The following HPSE2 variants were observed in gnomAD, a reference collection of about 807,000 sequenced individuals.
HPSE2 encodes the protein heparanase 2 (inactive), also known as inactive heparanase-2.
In HPSE2, 38 loss-of-function variants were observed where a neutral mutation model predicts 60.5. The observed-to-expected ratio is 0.63, with a 90% CI of 0.48 to 0.82. The LOEUF (loss-of-function observed/expected upper bound fraction) is 0.82, where lower values mean the gene tolerates loss of function less well. HPSE2 is among the 40% of genes least tolerant of loss of function. The probability of loss-of-function intolerance (pLI) is 0.00; values close to 1 mark genes in which losing one functional copy is unlikely to be tolerated. For missense variants in HPSE2, 713 were observed against 740.4 expected (o/e 0.96, Z 0.43); for synonymous variants, 295 against 293.2 (o/e 1.01, Z -0.06).
At chr10:99,251,946 G>C in the HPSE2 span, among the ~76,000 whole-genome samples, 1 of 151,548 alleles carries the variant, frequency 6.6e-6, no homozygotes, top group Non-Finnish European at 1.5e-5. Flanking sequence ...GGCTGAGGTA[G>C]GAGAACTGCT....
the HPSE2 span, among the ~76,000 whole-genome samples, chr10:99,279,211 T>G: frequency 6.6e-6 from 1 of 152,180 alleles, no homozygotes; most frequent in Non-Finnish European, 1.5e-5. Flanking sequence ...ATTCTTTTCA[T>G]GAAAGGATTC....
intron 3 of HPSE2, among the ~76,000 whole-genome samples, chr10:98,835,204 A>T (rs1256797559): frequency 6.6e-6 from 1 of 152,206 alleles, no homozygotes; most frequent in Non-Finnish European, 1.5e-5. Flanking sequence ...ACAGATGAAC[A>T]TGTTGATCTG....
chr10:99,139,512 A>ATG (rs907990738), intron 3 of HPSE2, among the ~76,000 whole-genome samples: 15 of 152,056 alleles, frequency 9.9e-5, no homozygotes, highest in Non-Finnish European at 1.8e-4. Flanking sequence ...ATATATATAT[A>ATG]TGTGTGTTAC....
intron 2 of HPSE2, among the ~76,000 whole-genome samples, chr10:99,203,099 A>T (rs1034852951): frequency 3.9e-5 from 6 of 152,072 alleles, no homozygotes; most frequent in Non-Finnish European, 1.5e-5. Context: ...TGCCTAGCAG[A>T]TTCAGTCTCC....
intron 3 of HPSE2, among the ~76,000 whole-genome samples, chr10:99,107,148 G>A (rs193146175): frequency 6.6e-6 from 1 of 152,260 alleles, no homozygotes; most frequent in South Asian, 2.1e-4. Context: ...TGGGATTACA[G>A]GTGTGAGCCA....
chr10:99,085,679 T>G (rs542221144), intron 3 of HPSE2, among the ~76,000 whole-genome samples: 56 of 152,350 alleles, frequency 3.7e-4, no homozygotes, highest in African/African-American at 1.3e-3. Context: ...TGTCTGAGCC[T>G]ATTTTTAAGC....
At chr10:99,071,464 A>C (rs1395839255) in intron 3 of HPSE2, among the ~76,000 whole-genome samples, 1 of 152,168 alleles carries the variant, frequency 6.6e-6, no homozygotes, top group Non-Finnish European at 1.5e-5. Flanking sequence ...CAATTTCTAC[A>C]CATTCTCGCC....
intron 3 of HPSE2, among the ~76,000 whole-genome samples, chr10:98,937,814 A>C (rs1197377417): frequency 7.0e-6 from 1 of 143,056 alleles, no homozygotes; most frequent in Non-Finnish European, 1.5e-5. Context: ...CTGACCCCCA[A>C]GCAGCCTAAC....
intron 3 of HPSE2, among the ~76,000 whole-genome samples, chr10:98,971,179 G>C (rs1955942798): frequency 6.6e-6 from 1 of 152,174 alleles, no homozygotes; most frequent in African/African-American, 2.4e-5. Context: ...ACTACTACAT[G>C]TGAGGCACCA....
chr10:99,277,677 A>G, the HPSE2 span, among the ~76,000 whole-genome samples: 2 of 152,234 alleles, frequency 1.3e-5, no homozygotes, highest in Non-Finnish European at 2.9e-5. Flanking sequence ...TTTGTGTATC[A>G]TGGTGGTTTT....
chr10:98,965,442 A>T lies in HPSE2; in HGVS notation c.610+178796T>A, dbSNP rs564620951. Among the ~76,000 whole-genome samples, 229 of 151,932 alleles carry T rather than the reference A, an allele frequency of 1.5e-3. 1 individual carries two copies. Among genetic ancestry groups the T allele is most frequent in the African/African-American group, 5.3e-3 (220 of 41,512 alleles). On this transcript the variant is annotated intron_variant, in intron 3 of 11. Coordinates refer to ENST00000370552, the MANE Select transcript of HPSE2 (RefSeq NM_021828.5). The stretch of plus-strand genomic sequence containing the variant: ...TTGGGGTAAATACAAATTAAGTAAA[A>T]AAAAAAACAACTGACATGCATGACA...
At chr10:98,974,127 C>T (rs1221103253) in intron 3 of HPSE2, among the ~76,000 whole-genome samples, 2 of 151,876 alleles carry the variant, frequency 1.3e-5, no homozygotes, top group Non-Finnish European at 2.9e-5. Context: ...CCCATCTCTA[C>T]TAAAAATACA....
chr10:98,457,378 C>T lies in HPSE2; in HGVS notation c.*2196G>A, dbSNP rs1422308410. On this transcript the variant is annotated 3_prime_UTR_variant, in exon 12 of 12. Transcript: ENST00000370552. ...TATTTCGCGCTCGGCAACCCATTTC[C>T]CCGGGTGCCCCTGGGCGAGCCATGG... 3.9e-5 allele frequency: 6 copies of T among 152,210 alleles called. No homozygotes were observed. The highest frequency in any genetic ancestry group is 1.4e-4 in the African/African-American group (6 of 41,454). The allele number at this position is 152,210 out of a possible 1,614,324, so 9.4% of individuals were successfully genotyped here.
At chr10:98,491,651 C>T (rs1941648345) in intron 9 of HPSE2, among the ~76,000 whole-genome samples, 1 of 152,134 alleles carries the variant, frequency 6.6e-6, no homozygotes, top group Non-Finnish European at 1.5e-5. Flanking sequence ...TCAGTAGCTC[C>T]TCTGATATAG....
At chr10:99,286,396 A>C in the HPSE2 span, among the ~76,000 whole-genome samples, 1 of 152,350 alleles carries the variant, frequency 6.6e-6, no homozygotes, top group East Asian at 1.9e-4. Context: ...ATAAAAATGA[A>C]TGAACCTTGA....
intron 3 of HPSE2, among the ~76,000 whole-genome samples, chr10:99,078,561 T>C (rs746653728): frequency 6.6e-6 from 1 of 152,172 alleles, no homozygotes; most frequent in Non-Finnish European, 1.5e-5. Context: ...TAAACATGCA[T>C]ATATTGCATG....
chr10:99,127,651 G>A (rs1369228000), intron 3 of HPSE2, among the ~76,000 whole-genome samples: 1 of 152,168 alleles, frequency 6.6e-6, no homozygotes, highest in Non-Finnish European at 1.5e-5. Context: ...AAGAACATCT[G>A]AGGAATTCAT....
intron 11 of HPSE2, among the ~76,000 whole-genome samples, chr10:98,468,057 C>A (rs558462774): frequency 1.3e-5 from 2 of 152,260 alleles, no homozygotes; most frequent in Non-Finnish European, 2.9e-5. Context: ...TTGCAGGCTC[C>A]CGGCCCCCTC....
At chr10:98,915,311 C>A (rs1253174506) in intron 3 of HPSE2, among the ~76,000 whole-genome samples, 7 of 151,876 alleles carry the variant, frequency 4.6e-5, no homozygotes, top group Admixed American at 3.3e-4. Context: ...CCATGCCCGG[C>A]TAATTTTTTG....
Sources: gnomAD v4.1 joint callset for allele counts (sites outside exome capture counted in the v4.1 genomes callset) on GRCh38, gnomAD v4.1.1 for gene constraint, MANE v1.5 for transcripts, NCBI Gene and HGNC (gene_info 2026-07-23, HGNC 2026-07-21) for gene names.